RIMS2: variants seen among roughly 807,000 people sequenced by gnomAD.
The protein encoded by RIMS2 is regulating synaptic membrane exocytosis 2.
A neutral mutation model predicts 174.4 loss-of-function variants in RIMS2; 59 were observed. The observed-to-expected ratio is 0.34, with a 90% CI of 0.27 to 0.42. RIMS2 has a LOEUF of 0.42. Among genes scored for constraint, RIMS2 ranks in the 10% least tolerant of loss-of-function variants. The probability of loss-of-function intolerance (pLI) is 1.00; values close to 1 mark genes in which losing one functional copy is unlikely to be tolerated. For missense variants in RIMS2, 1,620 were observed against 1,666.3 expected (o/e 0.97, Z 0.48); for synonymous variants, 606 against 572.5 (o/e 1.06, Z -0.84).
chr8:104,052,009 G>A (rs1273707410), intron 19 of RIMS2, among the ~76,000 whole-genome samples: 4 of 151,996 alleles, frequency 2.6e-5, no homozygotes, highest in African/African-American at 9.7e-5. Context: ...TATGCCTTCA[G>A]CAAGTAAAAT....
chr8:103,828,214 T>G (rs1241573409), intron 3 of RIMS2, among the ~76,000 whole-genome samples: 1 of 152,160 alleles, frequency 6.6e-6, no homozygotes. Flanking sequence ...ATGAAATGAG[T>G]TTGGCATTTA....
At chr8:103,689,373 T>C (rs2096983423) in intron 1 of RIMS2, among the ~76,000 whole-genome samples, 1 of 152,146 alleles carries the variant, frequency 6.6e-6, no homozygotes, top group Non-Finnish European at 1.5e-5. Context: ...TTAATTCCAT[T>C]TGGTCTGTAG....
intron 2 of RIMS2, among the ~76,000 whole-genome samples, chr8:103,726,190 A>C (rs2097525776): frequency 6.6e-6 from 1 of 152,210 alleles, no homozygotes; most frequent in African/African-American, 2.4e-5. Flanking sequence ...AAATAAACCC[A>C]TCATAAGTTA....
At chr8:103,936,964 G>T (rs925939439) in intron 13 of RIMS2, among the ~76,000 whole-genome samples, 1 of 152,034 alleles carries the variant, frequency 6.6e-6, no homozygotes, top group East Asian at 1.9e-4. Flanking sequence ...CGGGCATGGT[G>T]GTGGGCGCCT....
intron 3 of RIMS2, among the ~76,000 whole-genome samples, chr8:103,858,757 A>G (rs1167801638): frequency 6.6e-6 from 1 of 151,698 alleles, no homozygotes. Flanking sequence ...ACACACACAC[A>G]CATATATGGG....
chr8:103,720,312 G>T (rs1180799048), intron 2 of RIMS2, among the ~76,000 whole-genome samples: 6 of 152,200 alleles, frequency 3.9e-5, no homozygotes, highest in South Asian at 2.1e-4. Flanking sequence ...AATTTAGCAT[G>T]TACTTATGCT....
intron 19 of RIMS2, among the ~76,000 whole-genome samples, chr8:104,022,324 G>A (rs1215580344): frequency 6.6e-6 from 1 of 152,096 alleles, no homozygotes; most frequent in East Asian, 1.9e-4. Context: ...ACACAGGAAT[G>A]ATTAAAGACA....
At chr8:104,005,696 T>C (rs1353427819) in intron 17 of RIMS2, among the ~76,000 whole-genome samples, 1 of 152,140 alleles carries the variant, frequency 6.6e-6, no homozygotes, top group African/African-American at 2.4e-5. Flanking sequence ...TAAAATATTC[T>C]AAGTTAATTG....
At chr8:104,101,577 T>C (rs1051419981) in intron 19 of RIMS2, among the ~76,000 whole-genome samples, 2 of 150,040 alleles carry the variant, frequency 1.3e-5, no homozygotes, top group Non-Finnish European at 2.9e-5. Flanking sequence ...CACACACACA[T>C]ATATATACAC....
At chr8:103,592,915 T>G (rs928823196) in intron 1 of RIMS2, among the ~76,000 whole-genome samples, 2 of 151,384 alleles carry the variant, frequency 1.3e-5, no homozygotes, top group Non-Finnish European at 3.0e-5. Flanking sequence ...AATAGAACAC[T>G]TCTACATATT....
chr8:103,953,208 C>T (rs1047968255), intron 14 of RIMS2, among the ~76,000 whole-genome samples: 26 of 151,842 alleles, frequency 1.7e-4, no homozygotes, highest in African/African-American at 6.0e-4. Flanking sequence ...ACTTCCCCAG[C>T]CTGGCAAGGC....
chr8:103,609,108 G>A (rs1290399374), intron 1 of RIMS2, among the ~76,000 whole-genome samples: 1 of 152,162 alleles, frequency 6.6e-6, no homozygotes, highest in Non-Finnish European at 1.5e-5. Context: ...AATGATTAGT[G>A]ATGTTGAGCA....
chr8:103,954,788 C>T (rs2086614191), intron 14 of RIMS2, among the ~76,000 whole-genome samples: 1 of 152,018 alleles, frequency 6.6e-6, no homozygotes, highest in African/African-American at 2.4e-5. Context: ...CACGAAAAAA[C>T]ATTCAAAAAA....
chr8:103,525,733 C>A (rs6988627), intron 1 of RIMS2, among the ~76,000 whole-genome samples: 57,265 of 151,770 alleles, frequency 0.38, 11,132 homozygotes, highest in African/African-American at 0.4. Flanking sequence ...GTTCTTGAGC[C>A]CTTAATATGT....
chr8:103,596,646 C>G (rs1274198317), intron 1 of RIMS2, among the ~76,000 whole-genome samples: 1 of 151,924 alleles, frequency 6.6e-6, no homozygotes, highest in Non-Finnish European at 1.5e-5. Flanking sequence ...GAAACACTAC[C>G]ATGTACTCCT....
chr8:103,994,034 G>C (rs1253749882), intron 17 of RIMS2, among the ~76,000 whole-genome samples: 2 of 129,466 alleles, frequency 1.5e-5, no homozygotes, highest in Non-Finnish European at 3.1e-5. Flanking sequence ...CAGGGTGACA[G>C]AGCAAGACCC....
chr8:103,598,565 G>C (rs1361423332), intron 1 of RIMS2, among the ~76,000 whole-genome samples: 8 of 152,144 alleles, frequency 5.3e-5, no homozygotes, highest in Non-Finnish European at 2.9e-5. Context: ...GCAGCAAGTG[G>C]TTAATGAATT....
chr8:103,964,758 G>A (rs1595952662), intron 15 of RIMS2, among the ~76,000 whole-genome samples: 1 of 152,182 alleles, frequency 6.6e-6, no homozygotes, highest in Middle Eastern at 3.4e-3. Flanking sequence ...GGTTATCTAT[G>A]ATTTCTCCTA....
chr8:104,160,600 A>G (rs977798571), intron 19 of RIMS2, among the ~76,000 whole-genome samples: 3 of 152,216 alleles, frequency 2.0e-5, no homozygotes, highest in Admixed American at 2.0e-4. Flanking sequence ...TCCCTTTCCA[A>G]ACATGAAGGT....
Sources: allele counts gnomAD v4.1 joint callset (sites outside exome capture counted in the v4.1 genomes callset), GRCh38; gene constraint gnomAD v4.1.1; transcripts MANE v1.5; gene names NCBI Gene and HGNC (gene_info 2026-07-23, HGNC 2026-07-21).